Variants in PDLIM5 observed in about 807,000 individuals in gnomAD.
PDLIM5 encodes the protein PDZ and LIM domain protein 5.
In PDLIM5, 34 loss-of-function variants were observed where a neutral mutation model predicts 64.2. That is an observed-to-expected ratio of 0.53 (90% confidence interval 0.40 to 0.71). The LOEUF (loss-of-function observed/expected upper bound fraction) is 0.71, where lower values mean the gene tolerates loss of function less well. Among genes scored for constraint, PDLIM5 ranks in the 30% least tolerant of loss-of-function variants. PDLIM5 has a pLI of 0.00. For synonymous variants in PDLIM5, 253 were observed against 269.1 expected, an observed-to-expected ratio of 0.94 and a Z score of 0.59; for missense variants, 683 against 733.6, an observed-to-expected ratio of 0.93 and a Z score of 0.80.
At chr4:94,629,297 C>T (rs999560470) in intron 8 of PDLIM5, among the ~76,000 whole-genome samples, 6 of 151,442 alleles carry the variant, frequency 4.0e-5, no homozygotes, top group Non-Finnish European at 7.4e-5. Flanking sequence ...CACAGTGAGC[C>T]GAGATCGCGC....
At chr4:94,548,117 A>G (rs534072611) in intron 3 of PDLIM5, among the ~76,000 whole-genome samples, 2 of 152,268 alleles carry the variant, frequency 1.3e-5, no homozygotes, top group South Asian at 2.1e-4. Flanking sequence ...CTTGATGCCA[A>G]CTGTACTCTG....
chr4:94,654,450 C>T lies in PDLIM5; in HGVS notation c.1284-10C>T, dbSNP rs2280003. The T allele has an allele frequency of 0.33, 514,188 of 1,575,018 alleles. 86,073 individuals are homozygous for T. Among genetic ancestry groups the T allele is most frequent in the East Asian group, 0.35 (15,700 of 44,638 alleles). On this transcript the variant is annotated splice_polypyrimidine_tract_variant and intron_variant, in intron 9 of 12. Coordinates refer to ENST00000317968, the MANE Select transcript of PDLIM5 (RefSeq NM_006457.5). ...TCTCAAACTTAGTTGGCCTCTTTTT[C>T]TTCTGTCAGAGGACCATTCTTAGTG...
intron 2 of PDLIM5, among the ~76,000 whole-genome samples, chr4:94,464,317 A>T (rs907339987): frequency 1.3e-5 from 2 of 152,234 alleles, no homozygotes; most frequent in Non-Finnish European, 2.9e-5. Context: ...AATGACATTA[A>T]CAATTTAATG....
At chr4:94,553,701 G>A (rs188032036) in intron 3 of PDLIM5, among the ~76,000 whole-genome samples, 64 of 152,222 alleles carry the variant, frequency 4.2e-4, no homozygotes, top group African/African-American at 1.5e-3. Context: ...TTAGTGTGTC[G>A]TGTGAATGAT....
intron 8 of PDLIM5, among the ~76,000 whole-genome samples, chr4:94,624,306 A>G (rs1404809075): frequency 6.6e-6 from 1 of 151,730 alleles, no homozygotes; most frequent in East Asian, 1.9e-4. Flanking sequence ...TGACAGAGCT[A>G]GACCCCCATC....
chr4:94,498,028 G>A (rs1727564321), intron 2 of PDLIM5, among the ~76,000 whole-genome samples: 1 of 152,146 alleles, frequency 6.6e-6, no homozygotes, highest in Admixed American at 6.6e-5. Flanking sequence ...AACCAAAAGA[G>A]TTATTTTCTC....
intron 3 of PDLIM5, among the ~76,000 whole-genome samples, chr4:94,535,657 G>C (rs1285219561): frequency 6.6e-6 from 1 of 152,108 alleles, no homozygotes; most frequent in African/African-American, 2.4e-5. Flanking sequence ...GTGGTGGAGA[G>C]AGACCCAGGT....
chr4:94,611,300 T>G, intron 7 of PDLIM5: 1 of 1,026,758 alleles, frequency 9.7e-7, no homozygotes, highest in Non-Finnish European at 1.4e-6. Flanking sequence ...GAGAACATGC[T>G]AGAGTTCTAG....
intron 11 of PDLIM5, among the ~76,000 whole-genome samples, chr4:94,659,484 A>ATGTGTG (rs1477746279): frequency 1.9e-4 from 26 of 133,800 alleles, no homozygotes; most frequent in East Asian, 7.1e-4. Flanking sequence ...GCTGTAGTAT[A>ATGTGTG]TATGTGTGTA....
chr4:94,664,269 CT>C lies in PDLIM5; in HGVS notation c.*207del. 1.0e-6 allele frequency: 1 copy of C among 994,070 alleles called. No homozygotes were observed. The highest frequency in any genetic ancestry group is 1.3e-6 in the Non-Finnish European group (1 of 796,680). The allele number at this position is 994,070 out of a possible 1,614,324, so 61.6% of individuals were successfully genotyped here. The stretch of plus-strand genomic sequence containing the variant: ...AGAGACGGTTTGGCATTTATTATTA[CT>C]TTTTCCTGTATTTTATGCCCATAAA... On this transcript the variant is annotated 3_prime_UTR_variant, in exon 13 of 13. Transcript: ENST00000317968.
chr4:94,660,950 G>C (rs1742654287), intron 11 of PDLIM5, among the ~76,000 whole-genome samples: 2 of 152,066 alleles, frequency 1.3e-5, no homozygotes, highest in African/African-American at 4.8e-5. Context: ...AGGTTTTGGT[G>C]GTGGGCACCT....
intron 2 of PDLIM5, among the ~76,000 whole-genome samples, chr4:94,487,139 C>G (rs1726417076): frequency 6.6e-6 from 1 of 152,160 alleles, no homozygotes; most frequent in East Asian, 1.9e-4. Context: ...CTTCTCTTAA[C>G]TTGAAGAAAA....
rs781502733 is a variant in PDLIM5 at position 94,455,284 on chromosome 4, G to A, written c.-5G>A. On this transcript the variant is annotated 5_prime_UTR_variant, in exon 2 of 13. Transcript: ENST00000317968. ...TCTGTCATTGGACTTTGAGCCATTA[G>A]AACCATGAGCAACTACAGTGTGTCA... The A allele has an allele frequency of 4.4e-6, 7 of 1,586,496 alleles. No individual in the cohort carries two copies. The highest frequency in any genetic ancestry group is 6.1e-6 in the Non-Finnish European group (7 of 1,155,366).
At chr4:94,498,219 A>G (rs2126128886) in intron 2 of PDLIM5, among the ~76,000 whole-genome samples, 1 of 152,308 alleles carries the variant, frequency 6.6e-6, no homozygotes, top group East Asian at 1.9e-4. Context: ...TCAGTGGCTA[A>G]ATTTAAAATC....
intron 7 of PDLIM5, among the ~76,000 whole-genome samples, chr4:94,595,758 G>A (rs1407673563): frequency 5.3e-5 from 8 of 152,116 alleles, no homozygotes; most frequent in Admixed American, 5.2e-4. Context: ...ATTAAGACAC[G>A]TTAGTTGAGT....
intron 2 of PDLIM5, among the ~76,000 whole-genome samples, chr4:94,509,078 G>A (rs945414515): frequency 2.0e-5 from 3 of 152,144 alleles, no homozygotes; most frequent in Admixed American, 1.3e-4. Flanking sequence ...TGCCTCCAAA[G>A]TGTATTAGTT....
At chr4:94,524,534 T>A (rs1263949279) in intron 3 of PDLIM5, among the ~76,000 whole-genome samples, 1 of 152,034 alleles carries the variant, frequency 6.6e-6, no homozygotes, top group Non-Finnish European at 1.5e-5. Flanking sequence ...CTTTCATTAG[T>A]TTGTCCTTTT....
chr4:94,517,669 C>G (rs1729480075), intron 2 of PDLIM5, among the ~76,000 whole-genome samples: 1 of 152,072 alleles, frequency 6.6e-6, no homozygotes, highest in Non-Finnish European at 1.5e-5. Flanking sequence ...TTATATGTTC[C>G]TTTTTTACAT....
At chr4:94,543,273 A>G (rs59001861) in intron 3 of PDLIM5, among the ~76,000 whole-genome samples, 2,810 of 152,040 alleles carry the variant, frequency 0.018, 33 homozygotes, top group East Asian at 0.051. Flanking sequence ...TCTTCAGGTG[A>G]CTGTTGTCAG....
Sources: allele counts gnomAD v4.1 joint callset (sites outside exome capture counted in the v4.1 genomes callset), GRCh38; gene constraint gnomAD v4.1.1; transcripts MANE v1.5; gene names NCBI Gene and HGNC (gene_info 2026-07-23, HGNC 2026-07-21).